The following GABRB1 variants were observed in gnomAD, a reference collection of about 807,000 sequenced individuals.
GABRB1 encodes the protein gamma-aminobutyric acid receptor subunit beta-1.
A neutral mutation model predicts 51.6 loss-of-function variants in GABRB1; 17 were observed. The ratio of observed to expected loss-of-function variants is 0.33; its 90% CI spans 0.23 to 0.49. GABRB1 has a LOEUF of 0.49. Among genes scored for constraint, GABRB1 ranks in the 20% least tolerant of loss-of-function variants. The probability of loss-of-function intolerance (pLI) is 0.99; values close to 1 mark genes in which losing one functional copy is unlikely to be tolerated. For synonymous variants in GABRB1, 247 were observed against 218.9 expected (o/e 1.13, Z -1.14); for missense variants, 410 against 600.6 (o/e 0.68, Z 3.32).
At chr4:47,040,181 A>T (rs1725776437) in intron 3 of GABRB1, among the ~76,000 whole-genome samples, 1 of 152,210 alleles carries the variant, frequency 6.6e-6, no homozygotes, top group Admixed American at 6.5e-5. Flanking sequence ...ATGCTGGAAT[A>T]TCTATGCTGA....
chr4:47,014,134 G>C (rs1184051482), intron 1 of GABRB1, among the ~76,000 whole-genome samples: 3 of 152,214 alleles, frequency 2.0e-5, no homozygotes, highest in Middle Eastern at 6.8e-3. Context: ...AAACACTAGA[G>C]ATCTTATAAT....
chr4:47,075,971 G>T (rs914236827), intron 3 of GABRB1, among the ~76,000 whole-genome samples: 1 of 152,128 alleles, frequency 6.6e-6, no homozygotes, highest in Non-Finnish European at 1.5e-5. Flanking sequence ...AGCTGGTGGG[G>T]CCTATAATTA....
intron 5 of GABRB1, among the ~76,000 whole-genome samples, chr4:47,402,120 T>C (rs770208526): frequency 5.3e-5 from 8 of 152,196 alleles, no homozygotes; most frequent in Non-Finnish European, 8.8e-5. Context: ...TTTTCCTTTT[T>C]AAAAGCGGGG....
chr4:47,000,866 A>C (rs1314419812), intron 1 of GABRB1, among the ~76,000 whole-genome samples: 1 of 152,200 alleles, frequency 6.6e-6, no homozygotes, highest in East Asian at 1.9e-4. Context: ...AAAGTCACAG[A>C]GCATTATCCT....
At chr4:47,370,654 G>C (rs1043575194) in intron 5 of GABRB1, among the ~76,000 whole-genome samples, 5 of 152,162 alleles carry the variant, frequency 3.3e-5, no homozygotes, top group Admixed American at 6.5e-5. Context: ...AGCACCAAAT[G>C]ATATGCAGGT....
rs188879598 is a variant in GABRB1 at position 47,167,669 on chromosome 4, G to T, written c.461+6200G>T. 1.6e-4 allele frequency among the ~76,000 whole-genome samples: 24 copies of T among 152,242 alleles called. No homozygotes were observed. The East Asian group carries it at 4.3e-3, about 27-fold the overall frequency. On this transcript the variant is annotated intron_variant, in intron 4 of 8. Transcript: ENST00000295454. Reference sequence around the variant, plus strand: ...AGTTTGGAGAGCAGAGATATTTAAGGGGTGACTAGGTCATAAGGGCTCCAT... The same window carrying T: ...AGTTTGGAGAGCAGAGATATTTAAGTGGTGACTAGGTCATAAGGGCTCCAT...
chr4:47,301,217 A>G (rs144002190), intron 4 of GABRB1, among the ~76,000 whole-genome samples: 124 of 152,318 alleles, frequency 8.1e-4, no homozygotes, highest in African/African-American at 2.4e-3. Flanking sequence ...TACTCTGGCA[A>G]CATATTTTAC....
upstream of GABRB1, among the ~76,000 whole-genome samples, chr4:47,031,076 C>T (rs1020147858): frequency 6.6e-6 from 1 of 152,108 alleles, no homozygotes; most frequent in Non-Finnish European, 1.5e-5. Context: ...TCAAATACGT[C>T]CTGAGTTTCC....
intron 3 of GABRB1, among the ~76,000 whole-genome samples, chr4:47,046,568 T>G (rs12651299): frequency 0.51 from 76,826 of 151,840 alleles, 19,625 homozygotes; most frequent in African/African-American, 0.53. Flanking sequence ...AGGTCCTGAA[T>G]ATGAGATCAC....
chr4:47,142,209 T>C (rs1716968444), intron 3 of GABRB1, among the ~76,000 whole-genome samples: 1 of 151,864 alleles, frequency 6.6e-6, no homozygotes, highest in Non-Finnish European at 1.5e-5. Flanking sequence ...ATATCATTGA[T>C]TTAGGACTAA....
intron 3 of GABRB1, among the ~76,000 whole-genome samples, chr4:47,079,785 G>A (rs1727743594): frequency 6.9e-6 from 1 of 145,792 alleles, no homozygotes; most frequent in Admixed American, 7.1e-5. Context: ...ACTCATAGGT[G>A]GGAACTGAAC....
chr4:47,205,228 G>A (rs1392073949), intron 4 of GABRB1, among the ~76,000 whole-genome samples: 3 of 152,088 alleles, frequency 2.0e-5, no homozygotes, highest in Non-Finnish European at 2.9e-5. Flanking sequence ...TCACAAGAAT[G>A]GTTTTTATAG....
intron 8 of GABRB1, among the ~76,000 whole-genome samples, chr4:47,407,316 A>G (rs755299041): frequency 6.6e-6 from 1 of 152,208 alleles, no homozygotes; most frequent in Non-Finnish European, 1.5e-5. Flanking sequence ...TTTCATTCCC[A>G]GTTTAGTCAC....
intron 4 of GABRB1, among the ~76,000 whole-genome samples, chr4:47,240,568 T>G (rs995456512): frequency 6.6e-6 from 1 of 152,220 alleles, no homozygotes; most frequent in Non-Finnish European, 1.5e-5. Flanking sequence ...ACCCTCTTCC[T>G]TTTAATACAC....
At chr4:47,163,693 T>A (rs1447599910) in intron 4 of GABRB1, among the ~76,000 whole-genome samples, 1 of 151,896 alleles carries the variant, frequency 6.6e-6, no homozygotes, top group Non-Finnish European at 1.5e-5. Context: ...ATCTAAAATT[T>A]TAAAGAAAAA....
At chr4:47,216,857 G>T (rs1720574538) in intron 4 of GABRB1, among the ~76,000 whole-genome samples, 1 of 151,858 alleles carries the variant, frequency 6.6e-6, no homozygotes, top group South Asian at 2.1e-4. Flanking sequence ...CCAGCCCTAA[G>T]TTTGCACTCT....
intron 3 of GABRB1, among the ~76,000 whole-genome samples, chr4:47,054,570 T>C (rs1726505807): frequency 6.8e-6 from 1 of 146,382 alleles, no homozygotes; most frequent in African/African-American, 2.6e-5. Context: ...TTACTATTAT[T>C]ATTACTTTAT....
At position 47,008,451 on chromosome 4, in the gene GABRB1, A is replaced by T. The variant is rs983726866; in HGVS notation, c.-20+14525A>T. ...ATATGGACTATCATTTCAGGAAAAA[A>T]TAAAATATTTTACTTTTTTTTTTTT... On this transcript the variant is annotated intron_variant, in intron 1 of 3. Transcript: ENST00000513567. Among the ~76,000 whole-genome samples the T allele has an allele frequency of 5.7e-4, 86 of 151,934 alleles. 1 individual carries two copies. The highest frequency in any genetic ancestry group is 2.0e-3 in the African/African-American group (82 of 41,458).
intron 4 of GABRB1, among the ~76,000 whole-genome samples, chr4:47,203,586 G>C (rs922763427): frequency 6.6e-6 from 1 of 152,106 alleles, no homozygotes; most frequent in African/African-American, 2.4e-5. Flanking sequence ...TCTTTCTGCT[G>C]TTACAACCAT....
Sources: gnomAD v4.1 joint callset for allele counts (sites outside exome capture counted in the v4.1 genomes callset) on GRCh38, gnomAD v4.1.1 for gene constraint, MANE v1.5 for transcripts, NCBI Gene and HGNC (gene_info 2026-07-23, HGNC 2026-07-21) for gene names.